Variants in NUFIP1 observed in about 807,000 individuals in gnomAD.
NUFIP1 encodes the protein FMR1-interacting protein NUFIP1.
Under a neutral mutation model 56.2 loss-of-function variants are expected in NUFIP1, and 38 were observed. The ratio of observed to expected loss-of-function variants is 0.68; its 90% confidence interval spans 0.52 to 0.89. The LOEUF is 0.89. Ranked by LOEUF, NUFIP1 falls within the 40% of genes least tolerant of loss-of-function variation. NUFIP1 has a pLI of 0.00. For missense variants in NUFIP1, 567 were observed against 605.8 expected, an observed-to-expected ratio of 0.94 and a Z score of 0.67; for synonymous variants, 215 against 212.4, an observed-to-expected ratio of 1.01 and a Z score of -0.10.
At chr13:44,981,825 TA>T (rs748921160) in intron 2 of NUFIP1, among the ~76,000 whole-genome samples, 14 of 151,738 alleles carry the variant, frequency 9.2e-5, no homozygotes, top group Admixed American at 2.0e-4. Context: ...AAAAATAAGG[TA>T]AAATAAAAGT....
At chr13:44,962,776 AG>A (rs1871467264) in intron 6 of NUFIP1, among the ~76,000 whole-genome samples, 1 of 152,140 alleles carries the variant, frequency 6.6e-6, no homozygotes, top group South Asian at 2.1e-4. Flanking sequence ...TGTCCCATTC[AG>A]GTATACCATT....
At chr13:44,946,785 T>C (rs1414975265) in intron 8 of NUFIP1, among the ~76,000 whole-genome samples, 1 of 152,208 alleles carries the variant, frequency 6.6e-6, no homozygotes, top group African/African-American at 2.4e-5. Flanking sequence ...AGCAGCCTTC[T>C]AGATACTATT....
chr13:44,989,422 A>G lies in NUFIP1; in HGVS notation c.15T>C (p.Thr5=), dbSNP rs1328537010. 6.2e-7 allele frequency: 1 copy of G among 1,613,448 alleles called. No homozygotes were observed. Among genetic ancestry groups the G allele is most frequent in the Admixed American group, 1.7e-5 (1 of 59,910 alleles). The change falls in exon 1 of 10, where the codon ACT becomes ACC. Residue 5 remains threonine (T), a synonymous_variant. Coordinates refer to ENST00000379161, the MANE Select transcript of NUFIP1 (RefSeq NM_012345.3). ...ACCCGATAGGAGTCTCGAAATCACT[A>G]GTCGGCTCAGCCATACCACTGGCGG... is the stretch of plus-strand genomic sequence containing the variant. MAEP[T]SDFETPIGWH... is the part of the protein sequence containing the mutation.
At chr13:44,970,954 G>A (rs1871783766) in intron 5 of NUFIP1, among the ~76,000 whole-genome samples, 1 of 152,220 alleles carries the variant, frequency 6.6e-6, no homozygotes, top group Non-Finnish European at 1.5e-5. Context: ...GGGATTACAG[G>A]TGTGAGCCAC....
chr13:44,941,142 C>G lies in NUFIP1; in HGVS notation c.*64G>C, dbSNP rs1870718583. 1 of 806,208 alleles carries G rather than the reference C, an allele frequency of 1.2e-6. No homozygotes were observed. Among genetic ancestry groups the G allele is most frequent in the African/African-American group, 1.8e-5 (1 of 56,914 alleles). The allele number at this position is 806,208 out of a possible 1,614,324, so 49.9% of individuals were successfully genotyped here. ...TGACGGAAAAAAGGGTTTTGGTTTT[C>G]CTCTACTAACGAGGATGATACTGTT... On this transcript the variant is annotated 3_prime_UTR_variant, in exon 10 of 10. Transcript: ENST00000379161.
intron 1 of NUFIP1, among the ~76,000 whole-genome samples, chr13:44,983,606 G>C (rs772170619): frequency 1.3e-5 from 2 of 152,100 alleles, no homozygotes; most frequent in Non-Finnish European, 2.9e-5. Context: ...AGATCAGCCT[G>C]AGCAGCCTGG....
chr13:44,952,277 A>G (rs964159737), intron 7 of NUFIP1, among the ~76,000 whole-genome samples: 3 of 152,104 alleles, frequency 2.0e-5, no homozygotes, highest in Non-Finnish European at 4.4e-5. Context: ...GGCACGTGCC[A>G]CCACACCAGG....
At chr13:44,943,087 A>G (rs1279479492) in intron 9 of NUFIP1, among the ~76,000 whole-genome samples, 1 of 152,130 alleles carries the variant, frequency 6.6e-6, no homozygotes, top group Non-Finnish European at 1.5e-5. Context: ...TATGGTTCTC[A>G]ATAGACATTT....
chr13:44,982,878 T>C (rs535491249), intron 1 of NUFIP1, among the ~76,000 whole-genome samples: 6 of 152,104 alleles, frequency 3.9e-5, no homozygotes, highest in Non-Finnish European at 5.9e-5. Context: ...CATGATGGCA[T>C]GCACCTGTAG....
chr13:44,941,333 A>G lies in NUFIP1; in HGVS notation c.1372-11T>C. ...GTCCGGAGCTAGAAGCTAAAACACA[A>G]TTTAAAAAAAGATGAGGTAGTAAAT... is the stretch of plus-strand genomic sequence containing the variant. On this transcript the variant is annotated splice_polypyrimidine_tract_variant and intron_variant, in intron 9 of 9. Transcript: ENST00000379161. 2 of 1,534,044 alleles carry G rather than the reference A, an allele frequency of 1.3e-6. No individual in the cohort carries two copies. Among genetic ancestry groups the G allele is most frequent in the Non-Finnish European group, 1.8e-6 (2 of 1,118,176 alleles).
At chr13:44,988,818 T>C (rs1208011839) in intron 1 of NUFIP1, among the ~76,000 whole-genome samples, 1 of 152,124 alleles carries the variant, frequency 6.6e-6, no homozygotes, top group Non-Finnish European at 1.5e-5. Flanking sequence ...CAGCCTCCCA[T>C]GCATCTGCGA....
At chr13:44,949,632 T>G (rs1446046464) in intron 8 of NUFIP1, 90 bp downstream of exon 8, 1 of 715,742 alleles carries the variant, frequency 1.4e-6, no homozygotes, top group Non-Finnish European at 2.4e-6. Context: ...AAATAAAGGA[T>G]GCACATCCTG....
Position 44,980,742 on chromosome 13 carries a change from G to A in NUFIP1, c.574C>T (p.His192Tyr). 6.2e-7 allele frequency: 1 copy of A among 1,601,998 alleles called. No individual in the cohort carries two copies. Among genetic ancestry groups the A allele is most frequent in the South Asian group, 1.1e-5 (1 of 87,788 alleles). ...CCTACTTTTGTATGTTCAGACATGT[G>A]TTTGTCATACTTTTCTTGATTTTTA... ...GFKNQEKYDKHMSEHTKCPEL... is the reference protein window; with the variant it reads ...GFKNQEKYDKYMSEHTKCPEL... The change falls in exon 3 of 10, where the codon CAC (histidine) becomes TAC (tyrosine). Residue 192 changes from histidine (H) to tyrosine (Y), a missense_variant. By Grantham distance (83) the His-to-Tyr change is moderately conservative (BLOSUM62 2). Transcript: ENST00000379161.
intron 6 of NUFIP1, among the ~76,000 whole-genome samples, chr13:44,961,618 G>T (rs1871427865): frequency 6.6e-6 from 1 of 152,064 alleles, no homozygotes; most frequent in Non-Finnish European, 1.5e-5. Flanking sequence ...TCCAAATTTT[G>T]CAGAAAGCCA....
intron 6 of NUFIP1, among the ~76,000 whole-genome samples, chr13:44,962,946 T>C (rs1871473133): frequency 6.6e-6 from 1 of 152,182 alleles, no homozygotes; most frequent in South Asian, 2.1e-4. Context: ...TAGGCTGTAT[T>C]ATCTAAGTTT....
chr13:44,953,748 C>T (rs1871146149), intron 7 of NUFIP1, among the ~76,000 whole-genome samples: 1 of 152,140 alleles, frequency 6.6e-6, no homozygotes, highest in Non-Finnish European at 1.5e-5. Context: ...CTCCAACAGG[C>T]TCTGGTTCCT....
chr13:44,982,652 C>T (rs1246807838), intron 1 of NUFIP1, among the ~76,000 whole-genome samples: 3 of 151,668 alleles, frequency 2.0e-5, no homozygotes, highest in Admixed American at 1.3e-4. Context: ...TCCAACAAAC[C>T]TTACATACTG....
intron 6 of NUFIP1, among the ~76,000 whole-genome samples, chr13:44,962,257 T>C (rs1490313984): frequency 3.9e-5 from 6 of 152,236 alleles, no homozygotes; most frequent in Non-Finnish European, 5.9e-5. Flanking sequence ...AGATACACTT[T>C]AAATATAGAG....
intron 5 of NUFIP1, among the ~76,000 whole-genome samples, chr13:44,975,153 C>T (rs1360673944): frequency 6.6e-6 from 1 of 152,058 alleles, no homozygotes; most frequent in Non-Finnish European, 1.5e-5. Flanking sequence ...ATTAGACCTT[C>T]GGATGTTGGA....
Sources: allele counts gnomAD v4.1 joint callset (sites outside exome capture counted in the v4.1 genomes callset), GRCh38; gene constraint gnomAD v4.1.1; transcripts MANE v1.5; gene names NCBI Gene and HGNC (gene_info 2026-07-23, HGNC 2026-07-21).